The following IQSEC1 variants were observed in gnomAD, a reference collection of about 807,000 sequenced individuals.
The protein encoded by IQSEC1 is IQ motif and SEC7 domain-containing protein 1.
IQSEC1 carries 31 observed loss-of-function variants against 91.0 expected under a neutral mutation model. The ratio of observed to expected loss-of-function variants is 0.34; its 90% CI spans 0.26 to 0.46. The LOEUF is 0.46. IQSEC1 is among the 20% of genes least tolerant of loss of function. IQSEC1 has a pLI of 1.00. For synonymous variants in IQSEC1, 699 were observed against 662.6 expected (o/e 1.05, Z -0.84); for missense variants, 1,388 against 1,575.6 (o/e 0.88, Z 2.02).
At chr3:13,022,326 A>C (rs1284489290) in intron 1 of IQSEC1, 3 of 1,197,984 alleles carry the variant, frequency 2.5e-6, no homozygotes, top group Non-Finnish European at 3.1e-6. Flanking sequence ...TCCACCGGCC[A>C]GCCTCTGTGC....
chr3:12,969,033 G>A (rs1700770591), intron 1 of IQSEC1, among the ~76,000 whole-genome samples: 1 of 152,148 alleles, frequency 6.6e-6, no homozygotes, highest in Admixed American at 6.5e-5. Flanking sequence ...AGAGCACCTG[G>A]GTTCCGAGGC....
chr3:13,181,211 C>T (rs374545500), intron 1 of IQSEC1, among the ~76,000 whole-genome samples: 2 of 152,196 alleles, frequency 1.3e-5, no homozygotes, highest in African/African-American at 4.8e-5. Flanking sequence ...GTGGAGCTTG[C>T]AGTGAGCCAA....
chr3:13,151,595 G>A lies in IQSEC1; in HGVS notation c.302+12509C>T, dbSNP rs369879150. Among the ~76,000 whole-genome samples, 34 of 152,308 alleles carry A rather than the reference G, an allele frequency of 2.2e-4. 1 individual carries two copies. In the East Asian group the frequency reaches 5.8e-3, roughly 26 times the overall value. On this transcript the variant is annotated intron_variant, in intron 2 of 15. Transcript: ENST00000648114. ...CAAGGGTCGAAACAGGGGCAGGCTC[G>A]GTGGCCTGAACATCTGAATTCTACC...
At chr3:12,984,305 T>C (rs1389509777) in intron 1 of IQSEC1, among the ~76,000 whole-genome samples, 1 of 152,190 alleles carries the variant, frequency 6.6e-6, no homozygotes, top group Non-Finnish European at 1.5e-5. Context: ...CTAGCGAGCA[T>C]ACTCAAGTCT....
intron 1 of IQSEC1, among the ~76,000 whole-genome samples, chr3:13,014,759 C>T (rs996772386): frequency 1.3e-5 from 2 of 152,160 alleles, no homozygotes; most frequent in Admixed American, 1.3e-4. Flanking sequence ...AGGTCAGGCT[C>T]AGGGGTTACA....
At chr3:13,263,101 T>G (rs1695416788) in intron 1 of IQSEC1, among the ~76,000 whole-genome samples, 1 of 151,972 alleles carries the variant, frequency 6.6e-6, no homozygotes, top group Admixed American at 6.6e-5. Flanking sequence ...TATACAGAAA[T>G]TAACTGGGTG....
intron 1 of IQSEC1, among the ~76,000 whole-genome samples, chr3:12,965,780 C>A (rs776421348): frequency 2.0e-5 from 3 of 152,174 alleles, no homozygotes; most frequent in Non-Finnish European, 4.4e-5. Flanking sequence ...AATGGAGGGG[C>A]AGAAACCCCT....
intron 2 of IQSEC1, among the ~76,000 whole-genome samples, chr3:13,095,277 C>T (rs991830946): frequency 1.3e-5 from 2 of 151,996 alleles, no homozygotes; most frequent in African/African-American, 4.8e-5. Flanking sequence ...TCCCCGACCC[C>T]CACCTCCCAG....
intron 1 of IQSEC1, among the ~76,000 whole-genome samples, chr3:13,042,797 C>T (rs1448178272): frequency 2.0e-5 from 3 of 152,134 alleles, no homozygotes; most frequent in Admixed American, 6.5e-5. Context: ...GTGGTGGGGC[C>T]GGCACTGGCT....
chr3:13,123,434 G>C (rs547254811), intron 2 of IQSEC1, among the ~76,000 whole-genome samples: 348 of 152,352 alleles, frequency 2.3e-3, no homozygotes, highest in African/African-American at 7.8e-3. Context: ...GGCTACAGGG[G>C]AGGCTGGCCT....
At chr3:13,059,493 C>T (rs940065395) in intron 1 of IQSEC1, among the ~76,000 whole-genome samples, 3 of 152,220 alleles carry the variant, frequency 2.0e-5, no homozygotes, top group Non-Finnish European at 4.4e-5. Flanking sequence ...CATGGGGGCT[C>T]ATGCCTGGAA....
intron 13 of IQSEC1, among the ~76,000 whole-genome samples, chr3:12,902,510 T>C (rs1474715477): frequency 3.3e-5 from 5 of 150,712 alleles, no homozygotes; most frequent in African/African-American, 9.8e-5. Flanking sequence ...ACCCCCACTG[T>C]TGAGTCCAAA....
At chr3:12,933,357 C>T (rs1032770820) in intron 3 of IQSEC1, among the ~76,000 whole-genome samples, 24 of 152,170 alleles carry the variant, frequency 1.6e-4, no homozygotes, top group Non-Finnish European at 1.8e-4. Flanking sequence ...CCTATAGCCA[C>T]GGCGGGGACT....
chr3:13,003,292 A>AAC (rs1702501945), intron 1 of IQSEC1, among the ~76,000 whole-genome samples: 1 of 150,700 alleles, frequency 6.6e-6, no homozygotes, highest in African/African-American at 2.5e-5. Context: ...AAAAAAAAAA[A>AAC]AAAAAAAGGA....
At chr3:13,139,330 C>T (rs563516889) in intron 2 of IQSEC1, among the ~76,000 whole-genome samples, 1 of 152,284 alleles carries the variant, frequency 6.6e-6, no homozygotes, top group East Asian at 1.9e-4. Context: ...CTTTGGAGTC[C>T]GTAATTTCCT....
Position 13,113,613 on chromosome 3 carries a change from G to C in IQSEC1, c.302+50491C>G, listed in dbSNP as rs890185595. On this transcript the variant is annotated intron_variant, in intron 2 of 15. Coordinates refer to the IQSEC1 transcript ENST00000648114. ...GAGAAGACGAGGCCTCCACCCTCTGGGAGGGGAGGAGAAGTGCATGCGGCG... is the reference window on the plus strand; with the variant it reads ...GAGAAGACGAGGCCTCCACCCTCTGCGAGGGGAGGAGAAGTGCATGCGGCG... Among the ~76,000 whole-genome samples, 3 of 152,200 alleles carry C rather than the reference G, an allele frequency of 2.0e-5. No homozygotes were observed. The East Asian group carries it at 5.8e-4, about 29-fold the overall frequency.
At chr3:13,210,787 G>A (rs1694429529) in intron 1 of IQSEC1, among the ~76,000 whole-genome samples, 1 of 152,132 alleles carries the variant, frequency 6.6e-6, no homozygotes, top group Non-Finnish European at 1.5e-5. Flanking sequence ...TGCCCACCCT[G>A]ATGGGGACAC....
At chr3:13,059,223 C>T (rs1391215922) in intron 1 of IQSEC1, among the ~76,000 whole-genome samples, 1 of 152,170 alleles carries the variant, frequency 6.6e-6, no homozygotes, top group East Asian at 1.9e-4. Flanking sequence ...ACCCCAGGGG[C>T]CCATCTCGGC....
In IQSEC1 at chr3:12,913,372, A is replaced by T. The variant is rs1216687435; in HGVS notation, c.2316+56T>A. The T allele has an allele frequency of 2.6e-6, 4 of 1,525,512 alleles. No homozygotes were observed. The African/African-American group carries it at 4.1e-5, about 16-fold the overall frequency. 94.5% of individuals were successfully genotyped at this position (1,525,512 alleles called of 1,614,324 possible). ...TCCCCACGCAGACAGCCAGACATGGACCCTGGGCTCAGGCTTGAGGTCCCT... is the reference window on the plus strand; with the variant it reads ...TCCCCACGCAGACAGCCAGACATGGTCCCTGGGCTCAGGCTTGAGGTCCCT... On this transcript the variant is annotated intron_variant, in intron 9 of 13. Transcript: ENST00000613206.
Sources: allele counts gnomAD v4.1 joint callset (sites outside exome capture counted in the v4.1 genomes callset), GRCh38; gene constraint gnomAD v4.1.1; transcripts MANE v1.5; gene names NCBI Gene and HGNC (gene_info 2026-07-23, HGNC 2026-07-21).